The following CYBB variants were observed in gnomAD, a reference collection of about 807,000 sequenced individuals.
CYBB encodes the protein cytochrome b-245 beta chain, also known as NADPH oxidase 2.
Under a neutral mutation model 46.5 loss-of-function variants are expected in CYBB, and 5 were observed. The observed-to-expected ratio is 0.11, with a 90% confidence interval of 0.06 to 0.23. CYBB has a LOEUF of 0.23. CYBB is among the 10% of genes least tolerant of loss of function. CYBB has a pLI of 1.00. For missense variants in CYBB, 307 were observed against 428.3 expected (o/e 0.72, Z 2.50); for synonymous variants, 183 against 156.7 (o/e 1.17, Z -1.26).
Position 37,805,181 on chromosome X carries a change from A to G in CYBB, c.1314+13A>G, listed in dbSNP as rs1286465008. 8.3e-7 allele frequency: 1 copy of G among 1,205,926 alleles called. No homozygotes were observed. Among genetic ancestry groups the G allele is most frequent in the East Asian group, 3.0e-5 (1 of 33,732 alleles). ...GAAGCTCAAAAAGGTAAGTCCTTTC[A>G]TTTATCGGAGGGCCTTAGAGCAGTA... On this transcript the variant is annotated intron_variant, in intron 10 of 12. Transcript: ENST00000378588.
At chrX:37,789,206 G>A (rs1043501314) in intron 3 of CYBB, among the ~76,000 whole-genome samples, 1 of 111,311 alleles carries the variant, frequency 9.0e-6, no homozygotes, top group Non-Finnish European at 1.9e-5. Flanking sequence ...TCTAAACCCA[G>A]ATTTAAAGAG....
In CYBB at chrX:37,808,219, C is replaced by T. The variant is rs151292091; in HGVS notation, c.1462-1348C>T. ...GCTGGCAAGTCCAAGATCAAGACAC[C>T]AACAGGTTTGGTTGTCTAGCAAAGG... On this transcript the variant is annotated intron_variant, in intron 11 of 12. Coordinates refer to ENST00000378588, the MANE Select transcript of CYBB (RefSeq NM_000397.4). 4.1e-3 allele frequency among the ~76,000 whole-genome samples: 461 copies of T among 111,304 alleles called. 3 individuals carry two copies. Among genetic ancestry groups the T allele is most frequent in the African/African-American group, 0.014 (419 of 30,659 alleles).
chrX:37,795,894 G>A (rs2146811522), intron 5 of CYBB, 57 bp from the exon 6 acceptor site: 1 of 270,409 alleles, frequency 3.7e-6, no homozygotes, highest in African/African-American at 1.1e-4. Flanking sequence ...GCGCACATGT[G>A]TGTGTGTGTG....
chrX:37,810,649 A>G, intron 12 of CYBB, 142 bp from the exon 13 acceptor site: 1 of 566,012 alleles, frequency 1.8e-6, no homozygotes, highest in Non-Finnish European at 2.9e-6. Flanking sequence ...GAGCAATATG[A>G]TCCCTTTGCT....
intron 10 of CYBB, 84 bp from the exon 11 acceptor site, chrX:37,806,303 A>G (rs1602184236): frequency 1.0e-6 from 1 of 1,001,686 alleles, no homozygotes; most frequent in South Asian, 1.9e-5. Flanking sequence ...GAAAAAGTTT[A>G]GGTGACAGAA....
chrX:37,810,039 A>C (rs1929638804), intron 12 of CYBB, among the ~76,000 whole-genome samples: 1 of 111,814 alleles, frequency 8.9e-6, no homozygotes, highest in Non-Finnish European at 1.9e-5. Flanking sequence ...ATTTATACAT[A>C]TTGTTAAGAA....
At chrX:37,800,811 T>A (rs1350452467) in intron 7 of CYBB, among the ~76,000 whole-genome samples, 2 of 112,555 alleles carry the variant, frequency 1.8e-5, no homozygotes, top group African/African-American at 6.4e-5. Context: ...AAATTTGTCA[T>A]CTTGCAAATT....
At chrX:37,791,840 T>C (rs1929202785) in intron 3 of CYBB, 135 bp from the exon 4 acceptor site, 2 of 508,103 alleles carry the variant, frequency 3.9e-6, no homozygotes, top group Non-Finnish European at 7.0e-6. Flanking sequence ...TTTCCTCATT[T>C]ATCAAATAGA....
intron 4 of CYBB, among the ~76,000 whole-genome samples, chrX:37,793,394 A>G (rs1200746713): frequency 3.6e-5 from 4 of 110,492 alleles, no homozygotes; most frequent in Non-Finnish European, 7.6e-5. Context: ...TTAGGAGCAT[A>G]TAGCTCAACA....
intron 3 of CYBB, among the ~76,000 whole-genome samples, chrX:37,786,358 C>T (rs1346844956): frequency 1.8e-5 from 2 of 111,884 alleles, no homozygotes; most frequent in African/African-American, 6.5e-5. Context: ...GCCAAAACTT[C>T]TTGAAATTGT....
chrX:37,781,962 C>G, intron 1 of CYBB, 126 bp from the exon 2 acceptor site: 1 of 556,877 alleles, frequency 1.8e-6, no homozygotes, highest in Non-Finnish European at 3.2e-6. Context: ...CTGGTTATAT[C>G]CAGCTTTGTC....
chrX:37,808,701 G>C (rs1428050122), intron 11 of CYBB, among the ~76,000 whole-genome samples: 1 of 112,233 alleles, frequency 8.9e-6, no homozygotes, highest in Non-Finnish European at 1.9e-5. Context: ...AAAATGCTTT[G>C]ATAAAAATAA....
chrX:37,799,331 G>A (rs1290000599), intron 7 of CYBB, among the ~76,000 whole-genome samples: 1 of 111,763 alleles, frequency 8.9e-6, no homozygotes, highest in Non-Finnish European at 1.9e-5. Flanking sequence ...GTTTTTAGAA[G>A]TGCTGTTTTG....
Position 37,810,729 on chromosome X carries a change from A to G in CYBB, c.1587-62A>G, listed in dbSNP as rs1454339066. 41 of 1,152,181 alleles carry G rather than the reference A, an allele frequency of 3.6e-5. 1 individual carries two copies. Among genetic ancestry groups the G allele is most frequent in the Non-Finnish European group, 4.3e-5 (37 of 851,479 alleles). The allele number at this position is 1,152,181 out of a possible 1,213,427, so 95.0% of individuals were successfully genotyped here. ...CCTCAAATTAACGGGAAATTCACCT[A>G]CCTGCTTTGTAGACATCTCATCCCA... On this transcript the variant is annotated intron_variant, in intron 12 of 12. Transcript: ENST00000378588.
In CYBB at chrX:37,809,670, C is replaced by T. The variant is rs1556472717; in HGVS notation, c.1565C>T (p.Thr522Ile). Residue 522 changes from threonine to isoleucine, a missense_variant, in exon 12 of 13, where the codon ACA (threonine) becomes ATA (isoleucine). Transcript: ENST00000378588. ...CCCAACTGGGATAATGAATTCAAGA[C>T]AATTGCAAGTCAACACCCTAAGTAA... ...GRPNWDNEFK[T>I]IASQHPNTRI... The T allele has an allele frequency of 3.3e-6, 4 of 1,209,307 alleles. No individual in the cohort carries two copies. Among genetic ancestry groups the T allele is most frequent in the East Asian group, 5.9e-5 (2 of 33,803 alleles).
Position 37,811,004 on chromosome X carries a change from A to G in CYBB, c.*87A>G. The G allele has an allele frequency of 2.4e-6, 2 of 849,882 alleles. No homozygotes were observed. The highest frequency in any genetic ancestry group is 2.2e-5 in the South Asian group (1 of 45,671). The allele number at this position is 849,882 out of a possible 1,213,427, so 70.0% of individuals were successfully genotyped here. ...TTGATAATATAAATACCCCCTGCTT[A>G]AAAATGGACAAAAAGAAACTATAAT... On this transcript the variant is annotated 3_prime_UTR_variant, in exon 13 of 13. Transcript: ENST00000378588.
chrX:37,787,210 T>C, intron 3 of CYBB, among the ~76,000 whole-genome samples: 1 of 112,064 alleles, frequency 8.9e-6, no homozygotes, highest in South Asian at 3.6e-4. Flanking sequence ...TCAGATATTC[T>C]ACTGCCAGCA....
rs782247622 is a variant in CYBB at position 37,805,809 on chromosome X, G to T, written c.1315-578G>T. On this transcript the variant is annotated intron_variant, in intron 10 of 12. Transcript: ENST00000378588. ...AGGATCAATTCACAGGAGATTTTTT[G>T]GTTACCTATAAATTTGGTTTTATTG... Among the ~76,000 whole-genome samples the T allele has an allele frequency of 1.1e-4, 12 of 110,292 alleles. No homozygotes were observed. The East Asian group carries it at 2.6e-3, about 24-fold the overall frequency.
intron 5 of CYBB, among the ~76,000 whole-genome samples, chrX:37,794,168 A>G (rs1374454478): frequency 8.9e-6 from 1 of 111,874 alleles, no homozygotes; most frequent in Non-Finnish European, 1.9e-5. Context: ...AGCAAAAGAA[A>G]TCTCACACCT....
Sources: gnomAD v4.1 joint callset for allele counts (sites outside exome capture counted in the v4.1 genomes callset) on GRCh38, gnomAD v4.1.1 for gene constraint, MANE v1.5 for transcripts, NCBI Gene and HGNC (gene_info 2026-07-23, HGNC 2026-07-21) for gene names.